Variants in SETD7 observed in about 807,000 individuals in gnomAD.
SETD7 encodes histone-lysine N-methyltransferase SETD7.
SETD7 carries 16 observed loss-of-function variants against 41.8 expected under a neutral mutation model. The ratio of observed to expected loss-of-function variants is 0.38; its 90% CI spans 0.26 to 0.58. The LOEUF (loss-of-function observed/expected upper bound fraction) is 0.58. Among genes scored for constraint, SETD7 ranks in the 20% least tolerant of loss-of-function variants. The pLI is 0.64. For missense variants in SETD7, 346 were observed against 459.7 expected (o/e 0.75, Z 2.26); for synonymous variants, 163 against 169.7 (o/e 0.96, Z 0.31).
chr4:139,496,433 C>T (rs1726456450), exon 8 of SETD7: 1 of 702,370 alleles, frequency 1.4e-6, no homozygotes, highest in Non-Finnish European at 2.6e-6. Context: ...CTGTGTTCTA[C>T]CCAGGGCGCT....
intron 7 of SETD7, among the ~76,000 whole-genome samples, chr4:139,497,146 T>G (rs1299171616): frequency 6.6e-6 from 1 of 152,190 alleles, no homozygotes; most frequent in Non-Finnish European, 1.5e-5. Flanking sequence ...TTAGCCCTCT[T>G]GAAATTTGGG....
intron 1 of SETD7, among the ~76,000 whole-genome samples, chr4:139,551,853 A>C (rs554156379): frequency 6.0e-4 from 91 of 152,330 alleles, no homozygotes; most frequent in African/African-American, 2.1e-3. Context: ...TCATTAAATA[A>C]ATAAATAAAT....
chr4:139,498,120 G>A (rs1460908049), intron 7 of SETD7, among the ~76,000 whole-genome samples: 1 of 152,200 alleles, frequency 6.6e-6, no homozygotes, highest in East Asian at 1.9e-4. Flanking sequence ...AAACTGCGGA[G>A]TTCATCCCTG....
At chr4:139,552,470 G>A (rs906552462) in intron 1 of SETD7, among the ~76,000 whole-genome samples, 1 of 152,070 alleles carries the variant, frequency 6.6e-6, no homozygotes, top group African/African-American at 2.4e-5. Flanking sequence ...TGCTGTGTCA[G>A]CCCCTCTGAC....
chr4:139,546,372 G>T, intron 2 of SETD7: 1 of 221,424 alleles, frequency 4.5e-6, no homozygotes, highest in South Asian at 6.4e-5. Context: ...ATCTCATGAG[G>T]AGAGGCAACA....
At chr4:139,521,058 T>C (rs1414439686) in intron 5 of SETD7, among the ~76,000 whole-genome samples, 8 of 152,224 alleles carry the variant, frequency 5.3e-5, no homozygotes, top group Non-Finnish European at 2.9e-5. Flanking sequence ...GCAACAGATA[T>C]TATATGGCTT....
At chr4:139,531,921 CATTTTACTAAA>C (rs1346024786) in intron 3 of SETD7, among the ~76,000 whole-genome samples, 1 of 152,040 alleles carries the variant, frequency 6.6e-6, no homozygotes, top group Non-Finnish European at 1.5e-5. Flanking sequence ...GGTGAAACCC[CATTTTACTAAA>C]AATACAAAAA....
chr4:139,520,904 C>T (rs998188634), intron 5 of SETD7, among the ~76,000 whole-genome samples: 1 of 152,142 alleles, frequency 6.6e-6, no homozygotes, highest in Non-Finnish European at 1.5e-5. Flanking sequence ...GGGTTCATAA[C>T]AGGGGTCAGT....
At chr4:139,521,678 C>T (rs1727184599) in intron 5 of SETD7, among the ~76,000 whole-genome samples, 1 of 152,154 alleles carries the variant, frequency 6.6e-6, no homozygotes, top group Admixed American at 6.6e-5. Flanking sequence ...ATACATCCTG[C>T]CCTACTGACT....
chr4:139,526,805 A>G (rs930731897), intron 4 of SETD7, among the ~76,000 whole-genome samples: 5 of 152,216 alleles, frequency 3.3e-5, no homozygotes, highest in Non-Finnish European at 5.9e-5. Flanking sequence ...TGAAGTTTTA[A>G]AACTGGCATC....
At chr4:139,533,500 A>C in intron 2 of SETD7, 134 bp from the exon 3 acceptor site, 1 of 706,046 alleles carries the variant, frequency 1.4e-6, no homozygotes, top group Non-Finnish European at 2.4e-6. Flanking sequence ...CTCCTAAATT[A>C]TCATCGACTG....
In SETD7 at chr4:139,508,764, CA is replaced by C. The variant is rs761866858; in HGVS notation, c.*2898del. 6.6e-6 allele frequency: 1 copy of C among 152,210 alleles called. No individual in the cohort carries two copies. The highest frequency in any genetic ancestry group is 1.5e-5 in the Non-Finnish European group (1 of 68,044). 9.4% of individuals were successfully genotyped at this position (152,210 alleles called of 1,614,324 possible). ...CTTCCTGACACATTTCCTTCCCCAG[CA>C]GATGTAAAGTAGAAAAATACATTCT... On this transcript the variant is annotated 3_prime_UTR_variant, in exon 8 of 8. Coordinates refer to ENST00000274031, the MANE Select transcript of SETD7 (RefSeq NM_030648.4).
chr4:139,553,532 C>T (rs1728171045), intron 1 of SETD7, among the ~76,000 whole-genome samples: 1 of 152,156 alleles, frequency 6.6e-6, no homozygotes, highest in South Asian at 2.1e-4. Context: ...TGGTGGAGGG[C>T]TGTTTTGGAA....
intron 2 of SETD7, among the ~76,000 whole-genome samples, chr4:139,544,081 G>T (rs1194129651): frequency 6.6e-6 from 1 of 152,080 alleles, no homozygotes; most frequent in Non-Finnish European, 1.5e-5. Context: ...TTGAGCTCAG[G>T]AGTTTGAGAC....
chr4:139,525,793 A>G (rs1457504001), intron 4 of SETD7, among the ~76,000 whole-genome samples: 1 of 152,164 alleles, frequency 6.6e-6, no homozygotes, highest in Non-Finnish European at 1.5e-5. Context: ...GCAGGTCAAT[A>G]ATTATAACTG....
chr4:139,540,637 T>C (rs894621052), intron 2 of SETD7, among the ~76,000 whole-genome samples: 3 of 152,230 alleles, frequency 2.0e-5, no homozygotes, highest in Non-Finnish European at 4.4e-5. Context: ...GAAGACCACG[T>C]GTCCAGTGTT....
At chr4:139,501,095 C>G (rs1726566399), downstream of SETD7, among the ~76,000 whole-genome samples, 1 of 152,180 alleles carries the variant, frequency 6.6e-6, no homozygotes, top group Admixed American at 6.5e-5. Flanking sequence ...TCCTCACCCT[C>G]TTTATTCTCC....
rs766307007 is a variant in SETD7 at position 139,523,374 on chromosome 4, T to C, written c.624A>G (p.Pro208=). 6.2e-7 allele frequency: 1 copy of C among 1,613,050 alleles called. No homozygotes were observed. The change falls in exon 5 of 8, where the codon CCA becomes CCG. Residue 208 remains proline, a synonymous_variant. Coordinates refer to ENST00000274031, the MANE Select transcript of SETD7 (RefSeq NM_030648.4). ...ATTACCTTTCTGATTCATAAGGATC[T>C]GGAAGAAGAGCATTGGTAGAAATGC... ...SSCISTNALL[P]DPYESERVYV...
At chr4:139,524,242 T>C (rs1727258981) in intron 4 of SETD7, among the ~76,000 whole-genome samples, 2 of 152,240 alleles carry the variant, frequency 1.3e-5, no homozygotes, top group African/African-American at 2.4e-5. Flanking sequence ...TGGCTTTTTT[T>C]GTACAACCAA....
Sources: gnomAD v4.1 joint callset for allele counts (sites outside exome capture counted in the v4.1 genomes callset) on GRCh38, gnomAD v4.1.1 for gene constraint, MANE v1.5 for transcripts, NCBI Gene and HGNC (gene_info 2026-07-23, HGNC 2026-07-21) for gene names.